Variants in DENND1A observed in about 807,000 individuals in gnomAD.
The protein encoded by DENND1A is DENN domain-containing protein 1A.
In DENND1A, 51 loss-of-function variants were observed where a neutral mutation model predicts 113.7. The observed-to-expected ratio is 0.45, with a 90% CI of 0.36 to 0.57. The LOEUF (loss-of-function observed/expected upper bound fraction) is 0.57. DENND1A is among the 20% of genes least tolerant of loss of function. The probability of loss-of-function intolerance (pLI) is 0.00; values close to 1 mark genes in which losing one functional copy is unlikely to be tolerated. For missense variants in DENND1A, 1,258 were observed against 1,395.9 expected, an observed-to-expected ratio of 0.90 and a Z score of 1.57; for synonymous variants, 565 against 570.8, an observed-to-expected ratio of 0.99 and a Z score of 0.14.
intron 13 of DENND1A, among the ~76,000 whole-genome samples, chr9:123,474,911 C>A (rs2049777627): frequency 6.6e-6 from 1 of 152,250 alleles, no homozygotes; most frequent in Non-Finnish European, 1.5e-5. Flanking sequence ...CACTTGCTCA[C>A]TGCATGACCT....
At chr9:123,700,746 T>C (rs574479528) in intron 5 of DENND1A, among the ~76,000 whole-genome samples, 31 of 152,346 alleles carry the variant, frequency 2.0e-4, no homozygotes, top group Admixed American at 3.9e-4. Flanking sequence ...TACTAGTGTT[T>C]GACCAAATAA....
chr9:123,843,285 G>GT (rs1430562133), intron 2 of DENND1A: 1 of 430,724 alleles, frequency 2.3e-6, no homozygotes, highest in Non-Finnish European at 4.6e-6. Context: ...TTGAAATGCT[G>GT]TATCTACCTT....
At chr9:123,634,141 T>C (rs1419019598) in intron 9 of DENND1A, among the ~76,000 whole-genome samples, 1 of 152,244 alleles carries the variant, frequency 6.6e-6, no homozygotes, top group Non-Finnish European at 1.5e-5. Context: ...CTTCAGATAA[T>C]GTTCTTTTCA....
At position 123,583,280 on chromosome 9, in the gene DENND1A, GA is replaced by G. The variant is rs763608374; in HGVS notation, c.766-11del. 2 of 1,604,618 alleles carry G rather than the reference GA, an allele frequency of 1.2e-6. No homozygotes were observed. The highest frequency in any genetic ancestry group is 1.7e-6 in the Non-Finnish European group (2 of 1,174,476). ...CCATGTTTCTGACTTTCTGCAAGGA[GA>G]AAAAAATCCACAAGAGAAGGTCATT... On this transcript the variant is annotated splice_polypyrimidine_tract_variant and intron_variant, in intron 11 of 23. Coordinates refer to ENST00000394215, the MANE Select transcript of DENND1A (RefSeq NM_001352964.2).
At chr9:123,879,042 G>T (rs769686247) in intron 1 of DENND1A, 21 bp from the exon 2 acceptor site, 2 of 1,612,538 alleles carry the variant, frequency 1.2e-6, no homozygotes, top group Non-Finnish European at 1.7e-6. Flanking sequence ...AACAGATCAT[G>T]ATTACTGACA....
intron 9 of DENND1A, among the ~76,000 whole-genome samples, chr9:123,644,491 C>T (rs2062204519): frequency 1.3e-5 from 2 of 151,498 alleles, no homozygotes. Context: ...AGATTTGGCT[C>T]AGGGTATCTT....
At chr9:123,397,157 G>A (rs559722748) in intron 21 of DENND1A, among the ~76,000 whole-genome samples, 9 of 152,170 alleles carry the variant, frequency 5.9e-5, no homozygotes, top group African/African-American at 2.2e-4. Context: ...CAATAATTCC[G>A]TTTCCTTTTT....
At chr9:123,901,436 C>T (rs1851605211) in intron 1 of DENND1A, among the ~76,000 whole-genome samples, 1 of 152,192 alleles carries the variant, frequency 6.6e-6, no homozygotes, top group Non-Finnish European at 1.5e-5. Context: ...ACTATCACCA[C>T]ACTCTGCGAT....
intron 5 of DENND1A, among the ~76,000 whole-genome samples, chr9:123,705,677 A>G (rs2066150645): frequency 6.6e-6 from 1 of 152,248 alleles, no homozygotes; most frequent in Non-Finnish European, 1.5e-5. Context: ...TAAAATCTAA[A>G]TAAACTGACA....
At chr9:123,416,713 G>A (rs1160401083) in intron 19 of DENND1A, among the ~76,000 whole-genome samples, 2 of 152,244 alleles carry the variant, frequency 1.3e-5, no homozygotes, top group South Asian at 2.1e-4. Flanking sequence ...GGAGAAGGCC[G>A]GAGTTTTCTT....
At position 123,525,880 on chromosome 9, in the gene DENND1A, C is replaced by T. The variant is rs2054799229; in HGVS notation, c.993+31690G>A. On this transcript the variant is annotated intron_variant, in intron 13 of 23. Coordinates refer to ENST00000394215, the MANE Select transcript of DENND1A (RefSeq NM_001352964.2). ...CTCCAGTGATTCTCCCACCTCAGCC[C>T]CTTAGTCACTGGGACTACAGGTGCA... Among the ~76,000 whole-genome samples, 4 of 151,588 alleles carry T rather than the reference C, an allele frequency of 2.6e-5. No homozygotes were observed. The South Asian group carries it at 8.4e-4, about 32-fold the overall frequency.
At chr9:123,880,383 T>C (rs1367573211) in intron 1 of DENND1A, among the ~76,000 whole-genome samples, 1 of 152,212 alleles carries the variant, frequency 6.6e-6, no homozygotes, top group African/African-American at 2.4e-5. Flanking sequence ...GGTTATATTA[T>C]TTTTACATTT....
At position 123,608,410 on chromosome 9, in the gene DENND1A, C is replaced by T. The variant is rs564042790; in HGVS notation, c.765+1026G>A. Among the ~76,000 whole-genome samples, 257 of 152,234 alleles carry T rather than the reference C, an allele frequency of 1.7e-3. 1 individual carries two copies. Among genetic ancestry groups the T allele is most frequent in the Non-Finnish European group, 3.2e-3 (221 of 68,004 alleles). ...AAGACATGCAAAGCACCACCGCAGA[C>T]GGACATGGCTGTAGATTTTCCCTCT... On this transcript the variant is annotated intron_variant, in intron 11 of 23. Coordinates refer to ENST00000394215, the MANE Select transcript of DENND1A (RefSeq NM_001352964.2).
chr9:123,538,765 T>A (rs1310280026), intron 13 of DENND1A, among the ~76,000 whole-genome samples: 3 of 140,574 alleles, frequency 2.1e-5, no homozygotes, highest in Non-Finnish European at 4.6e-5. Flanking sequence ...TGTGTGTGTG[T>A]GTGTGTGTGT....
chr9:123,891,486 T>C (rs957329202), intron 1 of DENND1A, among the ~76,000 whole-genome samples: 4 of 152,212 alleles, frequency 2.6e-5, no homozygotes, highest in African/African-American at 9.6e-5. Flanking sequence ...AATCTATTGA[T>C]CTATGAACCT....
chr9:123,519,263 C>G (rs927234945), intron 13 of DENND1A, among the ~76,000 whole-genome samples: 1 of 152,140 alleles, frequency 6.6e-6, no homozygotes, highest in African/African-American at 2.4e-5. Flanking sequence ...AGTGTAAGCT[C>G]CTTGAAGGAG....
At chr9:123,760,639 G>T (rs2070958350) in intron 4 of DENND1A, among the ~76,000 whole-genome samples, 1 of 152,160 alleles carries the variant, frequency 6.6e-6, no homozygotes, top group Admixed American at 6.5e-5. Context: ...ACCTTCCTAT[G>T]CCTGTTATGT....
At chr9:123,443,207 C>T (rs569263949) in intron 18 of DENND1A, among the ~76,000 whole-genome samples, 29 of 152,146 alleles carry the variant, frequency 1.9e-4, no homozygotes, top group Admixed American at 3.3e-4. Flanking sequence ...CATCCCATAA[C>T]GACAGCACAA....
At chr9:123,553,601 T>A (rs2057254224) in intron 13 of DENND1A, among the ~76,000 whole-genome samples, 1 of 152,158 alleles carries the variant, frequency 6.6e-6, no homozygotes, top group Admixed American at 6.5e-5. Context: ...CTCAGGCATA[T>A]CTCATCTGCC....
Sources: gnomAD v4.1 joint callset for allele counts (sites outside exome capture counted in the v4.1 genomes callset) on GRCh38, gnomAD v4.1.1 for gene constraint, MANE v1.5 for transcripts, NCBI Gene and HGNC (gene_info 2026-07-23, HGNC 2026-07-21) for gene names.